The following MS4A4E variants were observed in gnomAD, a reference collection of about 807,000 sequenced individuals.
MS4A4E encodes putative membrane-spanning 4-domains subfamily A member 4E.
A neutral mutation model predicts 13.3 loss-of-function variants in MS4A4E; 23 were observed. The observed-to-expected ratio is 1.73, with a 90% CI of 1.25 to 2.45. The LOEUF (loss-of-function observed/expected upper bound fraction) is 2.45. MS4A4E is among the 30% of genes most tolerant of loss of function. The pLI is 0.00. For missense variants in MS4A4E, 144 were observed against 131.2 expected, an observed-to-expected ratio of 1.10 and a Z score of -0.48; for synonymous variants, 36 against 45.6, an observed-to-expected ratio of 0.79 and a Z score of 0.85.
chr11:60,201,631 A>C lies in MS4A4E; in HGVS notation c.908T>G (p.Ile303Ser). 9.8e-6 allele frequency: 3 copies of C among 306,082 alleles called. No individual in the cohort carries two copies. Among genetic ancestry groups the C allele is most frequent in the Non-Finnish European group, 2.0e-5 (3 of 152,766 alleles). The allele number at this position is 306,082 out of a possible 1,614,324, so 19.0% of individuals were successfully genotyped here. A position where few individuals can be genotyped will look rare whatever the true frequency, so the allele number is the denominator to read the frequency against. ...ESEERLCPAA[I>S]PSRKWGAPLP... Reference sequence around the variant, plus strand: ...AGGCGCTCCCCACTTCCTAGATGGGATGGCAGCCGGGCAGAGACGCTCCTC... The same window carrying C: ...AGGCGCTCCCCACTTCCTAGATGGGCTGGCAGCCGGGCAGAGACGCTCCTC... Residue 303 changes from isoleucine to serine, a missense_variant, in exon 9 of 9, where the codon ATC becomes AGC. Physicochemically the swap from Ile to Ser is moderately radical, Grantham distance 142 (BLOSUM62 -2). Transcript: ENST00000651255.
At chr11:60,210,520 G>A (rs1455899823) in intron 5 of MS4A4E, among the ~76,000 whole-genome samples, 1 of 152,194 alleles carries the variant, frequency 6.6e-6, no homozygotes, top group Non-Finnish European at 1.5e-5. Flanking sequence ...TTGATCATTG[G>A]CAATTTCATA....
At chr11:60,217,192 T>G (rs2134937387) in intron 3 of MS4A4E, among the ~76,000 whole-genome samples, 1 of 152,284 alleles carries the variant, frequency 6.6e-6, no homozygotes, top group South Asian at 2.1e-4. Flanking sequence ...GAGTCTTATC[T>G]TCTGTAGAGA....
intron 1 of MS4A4E, among the ~76,000 whole-genome samples, chr11:60,238,550 T>C (rs1247034815): frequency 2.0e-5 from 3 of 152,162 alleles, no homozygotes; most frequent in African/African-American, 7.2e-5. Flanking sequence ...GATTTCTTCT[T>C]GTAATTTTTG....
chr11:60,214,628 A>G lies in MS4A4E; in HGVS notation c.179-14T>C, dbSNP rs1258327606. 3 of 1,504,804 alleles carry G rather than the reference A, an allele frequency of 2.0e-6. No individual in the cohort carries two copies. Among genetic ancestry groups the G allele is most frequent in the Admixed American group, 2.1e-5 (1 of 46,818 alleles). The allele number at this position is 1,504,804 out of a possible 1,614,324, so 93.2% of individuals were successfully genotyped here. ...CTGATAAGGATACTGAAATAATAAA[A>G]TAAGAATGAGAGAAAAAAATGGAGA... is the stretch of plus-strand genomic sequence containing the variant. On this transcript the variant is annotated splice_polypyrimidine_tract_variant and intron_variant, in intron 3 of 8. Transcript: ENST00000651255.
intron 3 of MS4A4E, among the ~76,000 whole-genome samples, chr11:60,226,868 T>C (rs1321461281): frequency 6.7e-6 from 1 of 148,162 alleles, no homozygotes; most frequent in Non-Finnish European, 1.5e-5. Flanking sequence ...ATGACGTGAT[T>C]GTCTGTGTAG....
chr11:60,217,715 G>A (rs1024729826), intron 3 of MS4A4E, among the ~76,000 whole-genome samples: 1 of 152,146 alleles, frequency 6.6e-6, no homozygotes, highest in African/African-American at 2.4e-5. Context: ...AAGATTTCAT[G>A]GACACTTATC....
chr11:60,223,986 C>T (rs1043328866), intron 3 of MS4A4E, among the ~76,000 whole-genome samples: 3 of 152,098 alleles, frequency 2.0e-5, no homozygotes, highest in Admixed American at 6.5e-5. Flanking sequence ...CCGCTGTACA[C>T]GAGTGAAGGG....
chr11:60,222,515 C>A (rs1318942888), intron 3 of MS4A4E, among the ~76,000 whole-genome samples: 1 of 152,198 alleles, frequency 6.6e-6, no homozygotes, highest in East Asian at 1.9e-4. Flanking sequence ...GAAGGCTGTG[C>A]ATGCTCTGAA....
intron 3 of MS4A4E, among the ~76,000 whole-genome samples, chr11:60,217,862 G>A (rs546692730): frequency 6.6e-6 from 1 of 152,224 alleles, no homozygotes; most frequent in East Asian, 1.9e-4. Flanking sequence ...TACAGCATGT[G>A]TGTTTAAACA....
chr11:60,225,345 T>C (rs560472824), intron 3 of MS4A4E, among the ~76,000 whole-genome samples: 1 of 152,308 alleles, frequency 6.6e-6, no homozygotes, highest in East Asian at 1.9e-4. Context: ...CCAGAGGTGC[T>C]TTTCTGATAC....
intron 1 of MS4A4E, 69 bp from the exon 2 acceptor site, chr11:60,230,140 C>A (rs1029222714): frequency 3.9e-5 from 57 of 1,474,168 alleles, no homozygotes; most frequent in African/African-American, 5.7e-5. Flanking sequence ...CACTTTGGGG[C>A]AGATTCCTCC....
chr11:60,213,205 T>C (rs1250268790), intron 4 of MS4A4E, 73 bp from the exon 5 acceptor site: 2 of 1,254,810 alleles, frequency 1.6e-6, no homozygotes, highest in Admixed American at 2.1e-5. Context: ...TACTTTACAC[T>C]GCTGTCTACC....
intron 1 of MS4A4E, among the ~76,000 whole-genome samples, chr11:60,239,212 GT>G (rs1480045519): frequency 2.0e-5 from 3 of 152,160 alleles, no homozygotes; most frequent in Non-Finnish European, 4.4e-5. Flanking sequence ...TTAATCTTGT[GT>G]TTCTGTAACT....
intron 1 of MS4A4E, 150 bp from the exon 2 acceptor site, chr11:60,230,221 G>A (rs1468077054): frequency 2.5e-6 from 2 of 806,830 alleles, no homozygotes; most frequent in Admixed American, 3.7e-5. Flanking sequence ...AAGTGGAAGA[G>A]GCAACACATT....
chr11:60,201,120 C>CT lies in MS4A4E; in HGVS notation c.*422_*423insA, dbSNP rs1203586803. On this transcript the variant is annotated 3_prime_UTR_variant, in exon 9 of 9. Coordinates refer to ENST00000651255, the MANE Select transcript of MS4A4E (RefSeq NM_001393391.1). ...GGCGGCTGGCCGGGCGGGGTCTGAC[C>CT]CCCCCACCTCCCTCCCGGACGGAGC... 6.8e-6 allele frequency: 1 copy of CT among 147,948 alleles called. No individual in the cohort carries two copies. Among genetic ancestry groups the CT allele is most frequent in the Non-Finnish European group, 1.5e-5 (1 of 68,012 alleles). The allele number at this position is 147,948 out of a possible 1,614,324, so 9.2% of individuals were successfully genotyped here. A position where few individuals can be genotyped will look rare whatever the true frequency, so the allele number is the denominator to read the frequency against.
rs111240236 is a variant in MS4A4E, at chr11:60,223,174, G to A, written c.178+5420C>T. On this transcript the variant is annotated intron_variant, in intron 3 of 8. Transcript: ENST00000651255. ...GTGATCAGTTGCAGAAATGAAGACC[G>A]TAATTGTCATGAGTATTTCCTCCTT... is the stretch of plus-strand genomic sequence containing the variant. 3.8e-3 allele frequency among the ~76,000 whole-genome samples: 580 copies of A among 152,312 alleles called. 4 individuals are homozygous for A. Among genetic ancestry groups the A allele is most frequent in the African/African-American group, 0.013 (561 of 41,566 alleles).
chr11:60,200,747 C>T lies in MS4A4E; in HGVS notation c.*796G>A, dbSNP rs906514094. The stretch of plus-strand genomic sequence containing the variant: ...CTCAATCTTTTCCCCACCTTTCCCC[C>T]CTTTCTATTCCACAAAACCGCCATT... On this transcript the variant is annotated 3_prime_UTR_variant, in exon 9 of 9. Coordinates refer to ENST00000651255, the MANE Select transcript of MS4A4E (RefSeq NM_001393391.1). 1.3e-5 allele frequency among the ~76,000 whole-genome samples: 2 copies of T among 152,278 alleles called. No individual in the cohort carries two copies. The highest frequency in any genetic ancestry group is 2.9e-5 in the Non-Finnish European group (2 of 68,050).
intron 3 of MS4A4E, among the ~76,000 whole-genome samples, chr11:60,220,431 G>T (rs1333798753): frequency 1.3e-5 from 2 of 152,130 alleles, no homozygotes; most frequent in African/African-American, 4.8e-5. Flanking sequence ...CCTTCAGCTG[G>T]CAAGACCAGC....
At chr11:60,203,862 T>C (rs2084011552) in intron 8 of MS4A4E, among the ~76,000 whole-genome samples, 1 of 152,224 alleles carries the variant, frequency 6.6e-6, no homozygotes, top group African/African-American at 2.4e-5. Context: ...CACTTATAGA[T>C]AGAACCTAGA....
Sources: gnomAD v4.1 joint callset for allele counts (sites outside exome capture counted in the v4.1 genomes callset) on GRCh38, gnomAD v4.1.1 for gene constraint, MANE v1.5 for transcripts, NCBI Gene and HGNC (gene_info 2026-07-23, HGNC 2026-07-21) for gene names.